The following LRRIQ3 variants were observed in gnomAD, a reference collection of about 807,000 sequenced individuals.
The protein encoded by LRRIQ3 is leucine rich repeats and IQ motif containing 3.
LRRIQ3 carries 75 observed loss-of-function variants against 59.3 expected under a neutral mutation model. The observed-to-expected ratio is 1.26, with a 90% confidence interval of 1.05 to 1.53. The LOEUF (loss-of-function observed/expected upper bound fraction) is 1.53. LRRIQ3 is among the 40% of genes most tolerant of loss of function. The pLI, the probability that LRRIQ3 is intolerant of heterozygous loss-of-function variation, is 0.00. For synonymous variants in LRRIQ3, 250 were observed against 231.3 expected (o/e 1.08, Z -0.73); for missense variants, 831 against 710.0 (o/e 1.17, Z -1.94).
intron 3 of LRRIQ3, among the ~76,000 whole-genome samples, chr1:74,167,692 T>A (rs750705957): frequency 1.5e-4 from 23 of 151,444 alleles, no homozygotes; most frequent in Non-Finnish European, 1.2e-4. Flanking sequence ...AGCACCAAAA[T>A]CTCAGAAATC....
intron 4 of LRRIQ3, among the ~76,000 whole-genome samples, chr1:74,125,445 A>T (rs982074981): frequency 1.1e-4 from 16 of 151,180 alleles, no homozygotes; most frequent in African/African-American, 3.4e-4. Context: ...GATCTTAGAG[A>T]AAAGCCAGTT....
At chr1:74,193,441 C>T (rs1384505582) in intron 1 of LRRIQ3, among the ~76,000 whole-genome samples, 1 of 152,042 alleles carries the variant, frequency 6.6e-6, no homozygotes, top group Non-Finnish European at 1.5e-5. Context: ...AAATAAAATG[C>T]ACATCAGTTA....
At chr1:74,188,851 T>C (rs1438150270) in intron 1 of LRRIQ3, among the ~76,000 whole-genome samples, 1 of 152,168 alleles carries the variant, frequency 6.6e-6, no homozygotes, top group Admixed American at 6.5e-5. Context: ...CCCATTTCGG[T>C]AGAAATCTAT....
intron 4 of LRRIQ3, among the ~76,000 whole-genome samples, chr1:74,137,701 C>T (rs1217046805): frequency 6.6e-6 from 1 of 152,000 alleles, no homozygotes; most frequent in Non-Finnish European, 1.5e-5. Flanking sequence ...CCCAAATGTC[C>T]ATCAATGATA....
At chr1:74,165,667 T>A (rs1212871044) in intron 3 of LRRIQ3, among the ~76,000 whole-genome samples, 2 of 151,662 alleles carry the variant, frequency 1.3e-5, no homozygotes, top group Non-Finnish European at 1.5e-5. Context: ...CCCAATAATG[T>A]GGGAAAAGTG....
chr1:74,181,067 G>A, intron 3 of LRRIQ3: 1 of 391,118 alleles, frequency 2.6e-6, no homozygotes, highest in Non-Finnish European at 4.7e-6. Context: ...GTCCCAGACA[G>A]TCCTTTTCAT....
At chr1:74,106,188 T>C (rs1284128789) in intron 5 of LRRIQ3, among the ~76,000 whole-genome samples, 1 of 152,028 alleles carries the variant, frequency 6.6e-6, no homozygotes, top group Non-Finnish European at 1.5e-5. Flanking sequence ...TCCTAGGAAG[T>C]GGACTGTCAA....
At chr1:74,167,267 A>G (rs1649045001) in intron 3 of LRRIQ3, among the ~76,000 whole-genome samples, 1 of 151,952 alleles carries the variant, frequency 6.6e-6, no homozygotes, top group African/African-American at 2.4e-5. Flanking sequence ...ATGGAATACG[A>G]CTCAGCCATA....
chr1:74,048,960 T>C (rs1345500788), intron 6 of LRRIQ3, among the ~76,000 whole-genome samples: 3 of 152,122 alleles, frequency 2.0e-5, no homozygotes, highest in Non-Finnish European at 4.4e-5. Context: ...TAGAAATAAA[T>C]GCTCTGATAA....
At chr1:74,079,636 A>ACTTTT (rs906800848) in intron 5 of LRRIQ3, among the ~76,000 whole-genome samples, 2 of 151,748 alleles carry the variant, frequency 1.3e-5, no homozygotes, top group African/African-American at 4.8e-5. Context: ...AAGGGCAAGG[A>ACTTTT]CTTTTCTTTT....
intron 6 of LRRIQ3, among the ~76,000 whole-genome samples, chr1:74,061,697 ATT>A (rs1279971556): frequency 6.6e-6 from 1 of 152,184 alleles, no homozygotes; most frequent in Non-Finnish European, 1.5e-5. Flanking sequence ...CCAGGCAAAG[ATT>A]TCATGATCAA....
chr1:74,076,373 AC>A (rs1275662801), intron 5 of LRRIQ3, among the ~76,000 whole-genome samples: 1 of 152,120 alleles, frequency 6.6e-6, no homozygotes, highest in Non-Finnish European at 1.5e-5. Flanking sequence ...AATCAAAACA[AC>A]CATAAACTGA....
intron 7 of LRRIQ3, among the ~76,000 whole-genome samples, chr1:74,031,000 C>A (rs1653691654): frequency 6.6e-6 from 1 of 152,128 alleles, no homozygotes; most frequent in African/African-American, 2.4e-5. Flanking sequence ...AGCCAACAGA[C>A]ACATGAAATA....
At chr1:74,031,474 A>C (rs921049177) in intron 7 of LRRIQ3, among the ~76,000 whole-genome samples, 2 of 152,102 alleles carry the variant, frequency 1.3e-5, no homozygotes, top group African/African-American at 4.8e-5. Flanking sequence ...GACATGGATG[A>C]AGCTGGAAAC....
chr1:74,065,510 A>G (rs762685030), intron 6 of LRRIQ3, among the ~76,000 whole-genome samples: 2 of 152,140 alleles, frequency 1.3e-5, no homozygotes, highest in Non-Finnish European at 2.9e-5. Flanking sequence ...CTGAAGTTAT[A>G]TCAGATATTG....
chr1:74,058,734 C>G (rs1311974358), intron 6 of LRRIQ3, among the ~76,000 whole-genome samples: 1 of 151,966 alleles, frequency 6.6e-6, no homozygotes, highest in Non-Finnish European at 1.5e-5. Flanking sequence ...GTATCTAACA[C>G]AAGGGAATGG....
chr1:74,140,690 T>C (rs71655429), intron 4 of LRRIQ3, among the ~76,000 whole-genome samples: 2,920 of 151,894 alleles, frequency 0.019, 38 homozygotes, highest in Middle Eastern at 0.044. Flanking sequence ...ACTGAAATCA[T>C]ATAGGACAGG....
chr1:74,121,471 A>AAGCTAGTGAG (rs1226205882), intron 4 of LRRIQ3, among the ~76,000 whole-genome samples: 3 of 152,174 alleles, frequency 2.0e-5, no homozygotes, highest in African/African-American at 7.2e-5. Context: ...GTGGCACAGT[A>AAGCTAGTGAG]AGCTAGTGAG....
At chr1:74,028,666 T>C (rs1653594031) in intron 7 of LRRIQ3, among the ~76,000 whole-genome samples, 1 of 151,930 alleles carries the variant, frequency 6.6e-6, no homozygotes, top group Non-Finnish European at 1.5e-5. Flanking sequence ...CTGAAATGTA[T>C]TGTTGGTGTG....
Sources: gnomAD v4.1 joint callset for allele counts (sites outside exome capture counted in the v4.1 genomes callset) on GRCh38, gnomAD v4.1.1 for gene constraint, MANE v1.5 for transcripts, NCBI Gene and HGNC (gene_info 2026-07-23, HGNC 2026-07-21) for gene names.